The following ADAMTS17 variants were observed in gnomAD, a reference collection of about 807,000 sequenced individuals.
The protein encoded by ADAMTS17 is ADAM metallopeptidase with thrombospondin type 1 motif 17, also known as A disintegrin and metalloproteinase with thrombospondin motifs 17.
Under a neutral mutation model 141.5 loss-of-function variants are expected in ADAMTS17, and 113 were observed. The observed-to-expected ratio is 0.80, with a 90% CI of 0.69 to 0.93. ADAMTS17 has a LOEUF of 0.93. Ranked by LOEUF, ADAMTS17 falls within the 40% of genes least tolerant of loss-of-function variation. ADAMTS17 has a pLI of 0.00. For missense variants in ADAMTS17, 1,659 were observed against 1,517.9 expected, an observed-to-expected ratio of 1.09 and a Z score of -1.54; for synonymous variants, 768 against 630.6, an observed-to-expected ratio of 1.22 and a Z score of -3.27.
intron 3 of ADAMTS17, among the ~76,000 whole-genome samples, chr15:100,322,623 G>C (rs2141912911): frequency 6.6e-6 from 1 of 152,288 alleles, no homozygotes; most frequent in South Asian, 2.1e-4. Flanking sequence ...AGATGACCCA[G>C]ATGTTAGAAT....
rs2060264150 is a variant in ADAMTS17, at chr15:99,973,906, C to T, written c.*496G>A. 2 of 226,306 alleles carry T rather than the reference C, an allele frequency of 8.8e-6. No homozygotes were observed. Among genetic ancestry groups the T allele is most frequent in the Non-Finnish European group, 1.8e-5 (2 of 112,884 alleles). 14.0% of individuals were successfully genotyped at this position (226,306 alleles called of 1,614,324 possible). A position where few individuals can be genotyped will look rare whatever the true frequency, so the allele number is the denominator to read the frequency against. ...GAAGGTAGATGGAGAGAAACGTGTG[C>T]TAAGCAGCCCGGCCCTCCCCAGAGA... is the stretch of plus-strand genomic sequence containing the variant. On this transcript the variant is annotated 3_prime_UTR_variant, in exon 22 of 22. Coordinates refer to ENST00000268070, the MANE Select transcript of ADAMTS17 (RefSeq NM_139057.4).
intron 4 of ADAMTS17, among the ~76,000 whole-genome samples, chr15:100,270,224 G>C (rs1402209859): frequency 2.0e-5 from 3 of 152,070 alleles, no homozygotes; most frequent in African/African-American, 4.8e-5. Context: ...ATAGGGTGTG[G>C]ATGAGAAGCC....
At chr15:100,306,705 C>G (rs549346346) in intron 3 of ADAMTS17, 1 of 392,356 alleles carries the variant, frequency 2.5e-6, no homozygotes, top group African/African-American at 2.1e-5. Flanking sequence ...GGGACTGAGA[C>G]AGCAGTCAGC....
chr15:100,196,814 C>A lies in ADAMTS17; in HGVS notation c.1181+2504G>T, dbSNP rs995539585. ...ACCACAGCCCAGCAACCAGAGGGGC[C>A]TGCTGACGGGGAGGACATAGCTTCA... is the stretch of plus-strand genomic sequence containing the variant. On this transcript the variant is annotated intron_variant, in intron 8 of 21. Coordinates refer to ENST00000268070, the MANE Select transcript of ADAMTS17 (RefSeq NM_139057.4). 6.6e-5 allele frequency among the ~76,000 whole-genome samples: 10 copies of A among 152,332 alleles called. No homozygotes were observed. In the South Asian group the frequency reaches 2.1e-3, roughly 32 times the overall value.
chr15:100,141,136 G>T (rs1359127894), intron 10 of ADAMTS17, among the ~76,000 whole-genome samples: 1 of 152,314 alleles, frequency 6.6e-6, no homozygotes, highest in East Asian at 1.9e-4. Flanking sequence ...CTACGCTTAC[G>T]GTTTGTCAAG....
At chr15:100,220,616 C>T (rs1449293823) in intron 7 of ADAMTS17, among the ~76,000 whole-genome samples, 2 of 152,106 alleles carry the variant, frequency 1.3e-5, no homozygotes, top group African/African-American at 4.8e-5. Flanking sequence ...TGACATAATT[C>T]GAGAAGATTT....
At chr15:100,036,482 T>C (rs1335849866) in intron 18 of ADAMTS17, among the ~76,000 whole-genome samples, 3 of 152,194 alleles carry the variant, frequency 2.0e-5, no homozygotes, top group Non-Finnish European at 4.4e-5. Context: ...TCCCGAGATA[T>C]CGTGAGCTCT....
chr15:100,012,270 G>A (rs1022682883), intron 18 of ADAMTS17, among the ~76,000 whole-genome samples: 20 of 152,162 alleles, frequency 1.3e-4, no homozygotes, highest in African/African-American at 4.8e-4. Flanking sequence ...TGAGTTCATT[G>A]TAGATTTTGG....
At chr15:100,217,956 C>G (rs372908077) in intron 7 of ADAMTS17, among the ~76,000 whole-genome samples, 1 of 152,226 alleles carries the variant, frequency 6.6e-6, no homozygotes, top group Non-Finnish European at 1.5e-5. Context: ...TCAGTGCTCA[C>G]TGCCGCCTTG....
At chr15:100,185,817 C>T (rs2040694775) in intron 8 of ADAMTS17, among the ~76,000 whole-genome samples, 1 of 152,190 alleles carries the variant, frequency 6.6e-6, no homozygotes, top group Non-Finnish European at 1.5e-5. Flanking sequence ...GTGCTTCTGG[C>T]TCCTGAAGTC....
At chr15:100,255,143 C>G (rs2043282265) in intron 6 of ADAMTS17, among the ~76,000 whole-genome samples, 2 of 152,196 alleles carry the variant, frequency 1.3e-5, no homozygotes, top group African/African-American at 4.8e-5. Context: ...AGGGGTTCAT[C>G]TGGCCTGCTG....
Position 99,974,171 on chromosome 15 carries a change from T to G in ADAMTS17, c.*231A>C. 1 of 583,450 alleles carries G rather than the reference T, an allele frequency of 1.7e-6. No individual in the cohort carries two copies. The highest frequency in any genetic ancestry group is 2.9e-5 in the East Asian group (1 of 34,310). 36.1% of individuals were successfully genotyped at this position (583,450 alleles called of 1,614,324 possible). On this transcript the variant is annotated 3_prime_UTR_variant, in exon 22 of 22. Coordinates refer to ENST00000268070, the MANE Select transcript of ADAMTS17 (RefSeq NM_139057.4). ...TACCTGAAATCCTAGAAATTGAAGTTACTTTGTGACTCATGCCTACTTTCT... is the reference window on the plus strand; with the variant it reads ...TACCTGAAATCCTAGAAATTGAAGTGACTTTGTGACTCATGCCTACTTTCT...
At chr15:100,253,783 G>C (rs985107011) in intron 7 of ADAMTS17, among the ~76,000 whole-genome samples, 3 of 152,072 alleles carry the variant, frequency 2.0e-5, no homozygotes, top group African/African-American at 7.2e-5. Context: ...TTCATCTCAT[G>C]ACCACAACTG....
intron 8 of ADAMTS17, among the ~76,000 whole-genome samples, chr15:100,198,515 TA>T (rs2041204964): frequency 2.0e-5 from 3 of 152,234 alleles, no homozygotes; most frequent in Admixed American, 2.0e-4. Flanking sequence ...CAATCCAATA[TA>T]AACCTTTCCA....
At chr15:100,055,179 C>G (rs2032465480) in intron 15 of ADAMTS17, among the ~76,000 whole-genome samples, 1 of 152,152 alleles carries the variant, frequency 6.6e-6, no homozygotes, top group African/African-American at 2.4e-5. Flanking sequence ...CCAAACTGAT[C>G]TACATATATC....
intron 2 of ADAMTS17, among the ~76,000 whole-genome samples, chr15:100,335,284 C>T (rs550211017): frequency 3.9e-5 from 6 of 152,306 alleles, no homozygotes; most frequent in South Asian, 4.1e-4. Flanking sequence ...TTAATCCACA[C>T]GCCTGCCAGT....
intron 3 of ADAMTS17, among the ~76,000 whole-genome samples, chr15:100,293,495 T>C (rs2044712722): frequency 6.6e-6 from 1 of 152,174 alleles, no homozygotes; most frequent in Non-Finnish European, 1.5e-5. Context: ...ACTTATAAAT[T>C]AGAAGTAACC....
chr15:99,992,246 T>C (rs889924289), intron 20 of ADAMTS17, among the ~76,000 whole-genome samples: 1 of 152,082 alleles, frequency 6.6e-6, no homozygotes, highest in African/African-American at 2.4e-5. Flanking sequence ...CAAAAACCAA[T>C]GGCTCTAGGT....
chr15:100,053,779 T>C, intron 16 of ADAMTS17, 118 bp downstream of exon 16: 2 of 1,496,962 alleles, frequency 1.3e-6, no homozygotes, highest in South Asian at 2.3e-5. Flanking sequence ...CATAAACCCC[T>C]GGAAGCCAGA....
Sources: gnomAD v4.1 joint callset for allele counts (sites outside exome capture counted in the v4.1 genomes callset) on GRCh38, gnomAD v4.1.1 for gene constraint, MANE v1.5 for transcripts, NCBI Gene and HGNC (gene_info 2026-07-23, HGNC 2026-07-21) for gene names.